The following MDGA2 variants were observed in gnomAD, a reference collection of about 807,000 sequenced individuals.
The protein encoded by MDGA2 is MAM domain containing glycosylphosphatidylinositol anchor 2, also known as MAM domain-containing glycosylphosphatidylinositol anchor protein 2.
A neutral mutation model predicts 117.8 loss-of-function variants in MDGA2; 40 were observed. The ratio of observed to expected loss-of-function variants is 0.34; its 90% CI spans 0.26 to 0.44. The LOEUF (loss-of-function observed/expected upper bound fraction) is 0.44, where lower values mean the gene tolerates loss of function less well. Ranked by LOEUF, MDGA2 falls within the 20% of genes least tolerant of loss-of-function variation. The probability of loss-of-function intolerance (pLI) is 1.00; values close to 1 mark genes in which losing one functional copy is unlikely to be tolerated. For missense variants in MDGA2, 1,123 were observed against 1,250.6 expected (o/e 0.90, Z 1.54); for synonymous variants, 452 against 439.0 (o/e 1.03, Z -0.37).
At chr14:47,097,889 GAT>G (rs1324342755) in intron 5 of MDGA2, among the ~76,000 whole-genome samples, 28 of 151,874 alleles carry the variant, frequency 1.8e-4, no homozygotes, top group African/African-American at 6.5e-4. Context: ...AAAATACAAA[GAT>G]AAACATTCAT....
At chr14:47,198,130 T>G (rs1885356308) in intron 3 of MDGA2, among the ~76,000 whole-genome samples, 1 of 152,234 alleles carries the variant, frequency 6.6e-6, no homozygotes, top group Non-Finnish European at 1.5e-5. Context: ...GAGCAATAAG[T>G]GTATTGTCTT....
At chr14:47,533,877 A>T (rs1313276444) in intron 1 of MDGA2, among the ~76,000 whole-genome samples, 2 of 152,180 alleles carry the variant, frequency 1.3e-5, no homozygotes, top group Non-Finnish European at 2.9e-5. Flanking sequence ...TTATATTGTT[A>T]TTTGATTAGT....
At chr14:46,937,065 C>A (rs2138568528) in intron 9 of MDGA2, among the ~76,000 whole-genome samples, 1 of 152,136 alleles carries the variant, frequency 6.6e-6, no homozygotes, top group East Asian at 1.9e-4. Flanking sequence ...CAAAAAAACT[C>A]TTAGAACTGA....
intron 1 of MDGA2, among the ~76,000 whole-genome samples, chr14:47,409,520 G>C (rs978083755): frequency 6.6e-6 from 1 of 152,044 alleles, no homozygotes; most frequent in African/African-American, 2.4e-5. Flanking sequence ...TGAACTCTAA[G>C]AAAAGCAACT....
intron 1 of MDGA2, among the ~76,000 whole-genome samples, chr14:47,503,131 T>C (rs1411997553): frequency 2.0e-5 from 3 of 152,212 alleles, no homozygotes; most frequent in South Asian, 2.1e-4. Context: ...TCCATTATAG[T>C]ATGGACTGCA....
intron 8 of MDGA2, among the ~76,000 whole-genome samples, chr14:46,978,230 CTATTA>C (rs1886541759): frequency 6.6e-6 from 1 of 151,836 alleles, no homozygotes; most frequent in African/African-American, 2.4e-5. Flanking sequence ...ACTCTTTTGT[CTATTA>C]TAACAAAGAT....
chr14:47,049,544 A>G (rs775166210), intron 7 of MDGA2, among the ~76,000 whole-genome samples: 15 of 151,786 alleles, frequency 9.9e-5, no homozygotes, highest in Non-Finnish European at 1.5e-4. Flanking sequence ...ATATTTTTTT[A>G]TAATTTCGAC....
chr14:47,343,091 G>A, intron 1 of MDGA2: 1 of 1,266,002 alleles, frequency 7.9e-7, no homozygotes, highest in Non-Finnish European at 1.0e-6. Flanking sequence ...GAACATGGAA[G>A]CCTCACCTTG....
chr14:47,384,724 G>C (rs913663212), intron 1 of MDGA2, among the ~76,000 whole-genome samples: 11 of 152,200 alleles, frequency 7.2e-5, no homozygotes, highest in African/African-American at 2.6e-4. Flanking sequence ...CATCCCACCT[G>C]ATATACCCAC....
intron 9 of MDGA2, among the ~76,000 whole-genome samples, chr14:46,923,423 A>G (rs543858208): frequency 6.6e-6 from 1 of 152,236 alleles, no homozygotes; most frequent in African/African-American, 2.4e-5. Flanking sequence ...TTATACAAAT[A>G]AATAATCAAA....
At chr14:47,062,332 G>A (rs188968873) in intron 6 of MDGA2, among the ~76,000 whole-genome samples, 5 of 152,020 alleles carry the variant, frequency 3.3e-5, no homozygotes, top group Admixed American at 3.3e-4. Flanking sequence ...AGGTCTAAAG[G>A]CAGTGCTGTT....
chr14:47,633,855 G>T (rs1458494795), intron 1 of MDGA2, among the ~76,000 whole-genome samples: 1 of 152,098 alleles, frequency 6.6e-6, no homozygotes, highest in Non-Finnish European at 1.5e-5. Flanking sequence ...TTAGCTAAAG[G>T]ATCCTGAGTT....
intron 8 of MDGA2, among the ~76,000 whole-genome samples, chr14:47,033,603 T>C (rs1888738552): frequency 6.6e-6 from 1 of 152,072 alleles, no homozygotes. Context: ...CTGTCATGAG[T>C]ATAGAGGCCA....
At chr14:47,332,611 T>C (rs1378691272) in intron 1 of MDGA2, among the ~76,000 whole-genome samples, 1 of 151,964 alleles carries the variant, frequency 6.6e-6, no homozygotes, top group Non-Finnish European at 1.5e-5. Flanking sequence ...AAAACATCTT[T>C]CAGAAAATAA....
intron 1 of MDGA2, among the ~76,000 whole-genome samples, chr14:47,538,239 G>C (rs1489425536): frequency 6.6e-6 from 1 of 152,098 alleles, no homozygotes; most frequent in Non-Finnish European, 1.5e-5. Context: ...AAAATTGAGA[G>C]CTTTTCCTGC....
intron 2 of MDGA2, among the ~76,000 whole-genome samples, chr14:47,277,219 C>T (rs1888336968): frequency 2.0e-5 from 3 of 152,204 alleles, no homozygotes; most frequent in Non-Finnish European, 1.5e-5. Flanking sequence ...CTTCCCTTAA[C>T]AAATCTCTTT....
chr14:47,204,010 T>C (rs1885598475), intron 3 of MDGA2, among the ~76,000 whole-genome samples: 1 of 151,916 alleles, frequency 6.6e-6, no homozygotes, highest in Non-Finnish European at 1.5e-5. Flanking sequence ...TAATAATATT[T>C]AGAAAAGTAC....
At chr14:47,367,413 C>G (rs1286178234) in intron 1 of MDGA2, among the ~76,000 whole-genome samples, 1 of 152,096 alleles carries the variant, frequency 6.6e-6, no homozygotes, top group East Asian at 1.9e-4. Context: ...TAACGTACAA[C>G]AAACCCTTCA....
At chr14:47,411,086 G>C (rs532950922) in intron 1 of MDGA2, among the ~76,000 whole-genome samples, 3 of 152,218 alleles carry the variant, frequency 2.0e-5, no homozygotes, top group African/African-American at 2.4e-5. Context: ...GTACATCACA[G>C]TTTATGAGGG....
Sources: gnomAD v4.1 joint callset for allele counts (sites outside exome capture counted in the v4.1 genomes callset) on GRCh38, gnomAD v4.1.1 for gene constraint, MANE v1.5 for transcripts, NCBI Gene and HGNC (gene_info 2026-07-23, HGNC 2026-07-21) for gene names.